The following ERBB4 variants were observed in gnomAD, a reference collection of about 807,000 sequenced individuals.
ERBB4 encodes receptor tyrosine-protein kinase erbB-4.
In ERBB4, 42 loss-of-function variants were observed where a neutral mutation model predicts 158.0. That is an observed-to-expected ratio of 0.27 (90% CI 0.21 to 0.34). The LOEUF (loss-of-function observed/expected upper bound fraction) is 0.34. Among genes scored for constraint, ERBB4 ranks in the 10% least tolerant of loss-of-function variants. ERBB4 has a pLI of 1.00. For synonymous variants in ERBB4, 583 were observed against 558.7 expected (o/e 1.04, Z -0.61); for missense variants, 1,333 against 1,624.1 (o/e 0.82, Z 3.08).
chr2:212,122,652 C>A (rs1327973743), intron 2 of ERBB4, among the ~76,000 whole-genome samples: 3 of 152,026 alleles, frequency 2.0e-5, no homozygotes, highest in Non-Finnish European at 2.9e-5. Context: ...TGGTTCCCAA[C>A]ACAGTATAGA....
chr2:211,869,470 T>G (rs534296404), intron 3 of ERBB4, among the ~76,000 whole-genome samples: 1 of 152,332 alleles, frequency 6.6e-6, no homozygotes, highest in East Asian at 1.9e-4. Context: ...ATAGTTGATA[T>G]AGCATTTTAT....
intron 1 of ERBB4, among the ~76,000 whole-genome samples, chr2:212,131,330 A>G (rs1395927790): frequency 6.6e-6 from 1 of 152,166 alleles, no homozygotes; most frequent in Non-Finnish European, 1.5e-5. Flanking sequence ...TAAATCATTC[A>G]TGTCACTAAA....
chr2:211,748,944 G>A (rs2075049946), intron 5 of ERBB4, among the ~76,000 whole-genome samples: 1 of 152,050 alleles, frequency 6.6e-6, no homozygotes. Context: ...CCAATTCTTT[G>A]CTATTAAAAG....
At chr2:212,441,855 C>T (rs2092261675) in intron 1 of ERBB4, among the ~76,000 whole-genome samples, 1 of 152,156 alleles carries the variant, frequency 6.6e-6, no homozygotes. Flanking sequence ...GGATTAATCA[C>T]TTTAGACATA....
At chr2:212,397,945 T>C (rs1037097440) in intron 1 of ERBB4, among the ~76,000 whole-genome samples, 3 of 152,012 alleles carry the variant, frequency 2.0e-5, no homozygotes, top group African/African-American at 7.2e-5. Flanking sequence ...ATTAGGAATA[T>C]GAAACATCAT....
chr2:211,894,829 T>G (rs1212843987), intron 3 of ERBB4, among the ~76,000 whole-genome samples: 7 of 152,108 alleles, frequency 4.6e-5, no homozygotes, highest in Non-Finnish European at 5.9e-5. Flanking sequence ...ATAAACTACA[T>G]TACAGGGTAA....
chr2:211,668,257 T>C (rs752488648), intron 14 of ERBB4, among the ~76,000 whole-genome samples: 1 of 152,202 alleles, frequency 6.6e-6, no homozygotes, highest in African/African-American at 2.4e-5. Context: ...ATGACTGTAT[T>C]TGATTGTATT....
intron 1 of ERBB4, among the ~76,000 whole-genome samples, chr2:212,159,647 C>A (rs543001563): frequency 6.6e-6 from 1 of 151,832 alleles, no homozygotes; most frequent in Admixed American, 6.6e-5. Context: ...CTTTCATCCT[C>A]ACTGGTGCAT....
chr2:212,391,053 C>G (rs1245804764), intron 1 of ERBB4, among the ~76,000 whole-genome samples: 3 of 151,722 alleles, frequency 2.0e-5, no homozygotes, highest in Non-Finnish European at 4.4e-5. Context: ...ACTTTCACTG[C>G]TGTGTTTACG....
rs183947308 is a variant in ERBB4 at position 211,879,625 on chromosome 2, C to G, written c.421+67805G>C. Among the ~76,000 whole-genome samples, 328 of 152,198 alleles carry G rather than the reference C, an allele frequency of 2.2e-3. 7 individuals are homozygous for G. The highest frequency in any genetic ancestry group is 6.9e-4 in the Non-Finnish European group (47 of 67,984). On this transcript the variant is annotated intron_variant, in intron 3 of 27. Coordinates refer to ENST00000342788, the MANE Select transcript of ERBB4 (RefSeq NM_005235.3). Reference sequence around the variant, plus strand: ...CCAAGATTAATGTGTATGAATCTTTCTTGGTGAGACTGCCCTTTTAAGATT... The same window carrying G: ...CCAAGATTAATGTGTATGAATCTTTGTTGGTGAGACTGCCCTTTTAAGATT...
intron 1 of ERBB4, among the ~76,000 whole-genome samples, chr2:212,416,472 T>C (rs1325580146): frequency 6.6e-6 from 1 of 152,130 alleles, no homozygotes; most frequent in Non-Finnish European, 1.5e-5. Context: ...ATATCTTTTC[T>C]TTTTATATTA....
chr2:212,073,698 C>T (rs2078193630), intron 2 of ERBB4, among the ~76,000 whole-genome samples: 1 of 151,906 alleles, frequency 6.6e-6, no homozygotes, highest in Non-Finnish European at 1.5e-5. Flanking sequence ...ATGAGTGGAT[C>T]TGGGCGGGAG....
chr2:212,232,554 G>A (rs1007406820), intron 1 of ERBB4, among the ~76,000 whole-genome samples: 2 of 152,134 alleles, frequency 1.3e-5, no homozygotes, highest in South Asian at 2.1e-4. Context: ...GACTACAGGC[G>A]CCTGCCACCA....
At position 212,513,629 on chromosome 2, in the gene ERBB4, G is replaced by A. The variant is rs574167563; in HGVS notation, c.82+24820C>T. ...AGATCGAGACCATCTTGGCTAACAC[G>A]GTGAAGCCCGTCTCTACTAAAAATA... On this transcript the variant is annotated intron_variant, in intron 1 of 27. Transcript: ENST00000342788. 3.3e-5 allele frequency among the ~76,000 whole-genome samples: 5 copies of A among 152,140 alleles called. No individual in the cohort carries two copies. In the South Asian group the frequency reaches 6.2e-4, roughly 19 times the overall value.
intron 1 of ERBB4, among the ~76,000 whole-genome samples, chr2:212,479,369 T>C (rs1431014600): frequency 2.4e-4 from 36 of 152,070 alleles, no homozygotes; most frequent in Admixed American, 2.2e-3. Context: ...CCTATACTTG[T>C]AAACCATGAA....
intron 15 of ERBB4, among the ~76,000 whole-genome samples, chr2:211,659,810 T>C (rs1270514198): frequency 1.3e-5 from 2 of 152,146 alleles, no homozygotes; most frequent in Non-Finnish European, 1.5e-5. Context: ...ATGAATTTAA[T>C]GAAGGAGACA....
At chr2:212,297,151 T>C (rs1443609670) in intron 1 of ERBB4, among the ~76,000 whole-genome samples, 1 of 152,074 alleles carries the variant, frequency 6.6e-6, no homozygotes, top group South Asian at 2.1e-4. Flanking sequence ...TTATTGAGTA[T>C]ACAAATATTT....
intron 2 of ERBB4, among the ~76,000 whole-genome samples, chr2:212,084,599 GAT>G (rs1455565267): frequency 6.6e-6 from 1 of 151,974 alleles, no homozygotes; most frequent in Non-Finnish European, 1.5e-5. Flanking sequence ...AAAGTTACAA[GAT>G]ATTAGTGAAA....
intron 2 of ERBB4, among the ~76,000 whole-genome samples, chr2:211,953,465 CAAAAAAAAAAAA>C (rs36024345): frequency 1.2e-5 from 1 of 85,576 alleles, no homozygotes; most frequent in Non-Finnish European, 2.5e-5. Context: ...GGTTTTTCTC[CAAAAAAAAAAAA>C]AAAAAAAAAA....
Sources: allele counts gnomAD v4.1 joint callset (sites outside exome capture counted in the v4.1 genomes callset), GRCh38; gene constraint gnomAD v4.1.1; transcripts MANE v1.5; gene names NCBI Gene and HGNC (gene_info 2026-07-23, HGNC 2026-07-21).